The following OSBPL1A variants were observed in gnomAD, a reference collection of about 807,000 sequenced individuals.
The protein encoded by OSBPL1A is oxysterol-binding protein-related protein 1.
Under a neutral mutation model 137.1 loss-of-function variants are expected in OSBPL1A, and 80 were observed. The ratio of observed to expected loss-of-function variants is 0.58; its 90% CI spans 0.49 to 0.70. The LOEUF is 0.70. Ranked by LOEUF, OSBPL1A falls within the 30% of genes least tolerant of loss-of-function variation. The pLI is 0.00. For synonymous variants in OSBPL1A, 365 were observed against 389.7 expected, an observed-to-expected ratio of 0.94 and a Z score of 0.75; for missense variants, 970 against 1,129.4, an observed-to-expected ratio of 0.86 and a Z score of 2.02.
At chr18:24,352,265 G>A (rs147047424) in intron 4 of OSBPL1A, among the ~76,000 whole-genome samples, 2,626 of 152,204 alleles carry the variant, frequency 0.017, 71 homozygotes, top group African/African-American at 0.06. Flanking sequence ...TTGTGCCACC[G>A]CACTCCAGCC....
At chr18:24,215,991 A>C (rs2087685697) in intron 17 of OSBPL1A, among the ~76,000 whole-genome samples, 1 of 152,196 alleles carries the variant, frequency 6.6e-6, no homozygotes, top group Non-Finnish European at 1.5e-5. Flanking sequence ...AGTGTTTGTA[A>C]AGTAAACTTG....
At chr18:24,187,632 T>C (rs903640382) in intron 18 of OSBPL1A, among the ~76,000 whole-genome samples, 4 of 152,204 alleles carry the variant, frequency 2.6e-5, no homozygotes, top group African/African-American at 9.6e-5. Flanking sequence ...AAGTGAGCAA[T>C]AGATGCTAGC....
Position 24,341,629 on chromosome 18 carries a change from A to G in OSBPL1A, c.312T>C (p.Asn104=), listed in dbSNP as rs1599689593. 1 of 1,610,772 alleles carries G rather than the reference A, an allele frequency of 6.2e-7. No homozygotes were observed. Among genetic ancestry groups the G allele is most frequent in the African/African-American group, 1.3e-5 (1 of 74,934 alleles). The change falls in exon 5 of 28, where the codon AAT becomes AAC. Residue 104 remains asparagine, a synonymous_variant. Coordinates refer to ENST00000319481, the MANE Select transcript of OSBPL1A (RefSeq NM_080597.4). ...KELVMLLLEY[N]ADTTIVNGSG... is the part of the protein sequence containing the mutation. ...TCCCATTAACAATAGTAGTATCAGC[A>G]TTATATTCTAAGAGAAGCATTACCA...
At position 24,365,878 on chromosome 18, in the gene OSBPL1A, G is replaced by A. The variant is rs374826792; in HGVS notation, c.282+1014C>T. Among the ~76,000 whole-genome samples, 266 of 152,234 alleles carry A rather than the reference G, an allele frequency of 1.7e-3. 2 individuals are homozygous for A. Among genetic ancestry groups the A allele is most frequent in the South Asian group, 0.016 (75 of 4,820 alleles). On this transcript the variant is annotated intron_variant, in intron 4 of 27. Coordinates refer to ENST00000319481, the MANE Select transcript of OSBPL1A (RefSeq NM_080597.4). ...GACTTCTGTGACCAAATATGGGTGG[G>A]GGCAGTTCTCCCCACCACCAAGCAA...
intron 1 of OSBPL1A, among the ~76,000 whole-genome samples, chr18:24,392,091 A>G (rs1056548962): frequency 1.3e-5 from 2 of 151,948 alleles, no homozygotes; most frequent in Non-Finnish European, 2.9e-5. Context: ...CCTAGGTTCA[A>G]GCGATCTGTC....
At position 24,234,511 on chromosome 18, in the gene OSBPL1A, T is replaced by C. The variant is rs61125050; in HGVS notation, c.1444+4709A>G. On this transcript the variant is annotated intron_variant, in intron 16 of 27. Transcript: ENST00000319481. ...ACTGAGCTTACTGGAAAAATAATTT[T>C]CTCAAGCGATCCCAGGGGGGACGCC... Among the ~76,000 whole-genome samples, 1,310 of 150,912 alleles carry C rather than the reference T, an allele frequency of 8.7e-3. 11 individuals carry two copies. The highest frequency in any genetic ancestry group is 0.038 in the Middle Eastern group (11 of 286).
At chr18:24,367,602 C>T (rs1487011247) in intron 3 of OSBPL1A, 1 of 149,240 alleles carries the variant, frequency 6.7e-6, no homozygotes, top group Non-Finnish European at 1.5e-5. Flanking sequence ...GAGATTACGC[C>T]ACTGCACTCC....
In OSBPL1A at chr18:24,366,930, C is replaced by G; in HGVS notation, c.244G>C (p.Asp82His). The change falls in exon 4 of 28, where the codon GAC becomes CAC. Residue 82 changes from aspartate to histidine, a missense_variant. Physicochemically the swap from Asp to His is moderately conservative, Grantham distance 81. Transcript: ENST00000319481. ...AEVNVLNDMG[D>H]TPLHRAAFTG... ...AAGGCAGCTCGATGAAGCGGCGTGT[C>G]TCCCATGTCATTCAACACATTCACT... 2 of 1,612,362 alleles carry G rather than the reference C, an allele frequency of 1.2e-6. No individual in the cohort carries two copies. The highest frequency in any genetic ancestry group is 1.7e-6 in the Non-Finnish European group (2 of 1,179,236).
intron 18 of OSBPL1A, among the ~76,000 whole-genome samples, chr18:24,185,875 C>T (rs1010922781): frequency 3.9e-5 from 6 of 152,160 alleles, no homozygotes; most frequent in East Asian, 1.9e-4. Context: ...ATTCGAGACC[C>T]GCCTGGGCAG....
At chr18:24,346,610 A>T (rs1358525886) in intron 4 of OSBPL1A, among the ~76,000 whole-genome samples, 1 of 152,170 alleles carries the variant, frequency 6.6e-6, no homozygotes, top group Non-Finnish European at 1.5e-5. Context: ...CATGTTCTCA[A>T]GGTTCATTTA....
At chr18:24,289,548 T>C (rs1383338955) in intron 14 of OSBPL1A, among the ~76,000 whole-genome samples, 1 of 150,788 alleles carries the variant, frequency 6.6e-6, no homozygotes, top group Non-Finnish European at 1.5e-5. Context: ...CAGGATCGAG[T>C]AGCTGGGATT....
At chr18:24,377,563 AT>A (rs753469482) in intron 1 of OSBPL1A, 28 bp from the exon 2 acceptor site, 48 of 1,561,502 alleles carry the variant, frequency 3.1e-5, no homozygotes, top group Non-Finnish European at 4.1e-5. Flanking sequence ...TAACATTGCT[AT>A]TATTTAAGAA....
chr18:24,163,960 G>C (rs571660013), intron 27 of OSBPL1A, among the ~76,000 whole-genome samples: 23 of 152,178 alleles, frequency 1.5e-4, no homozygotes, highest in Non-Finnish European at 2.5e-4. Context: ...TCGAACTCCT[G>C]ACCTCATGAT....
At chr18:24,247,495 T>A (rs2088934819) in intron 15 of OSBPL1A, among the ~76,000 whole-genome samples, 2 of 152,162 alleles carry the variant, frequency 1.3e-5, no homozygotes, top group Non-Finnish European at 2.9e-5. Context: ...AGACAGGATC[T>A]TACTCTGTCA....
intron 17 of OSBPL1A, among the ~76,000 whole-genome samples, chr18:24,199,591 A>C (rs2087153143): frequency 6.6e-6 from 1 of 152,214 alleles, no homozygotes; most frequent in South Asian, 2.1e-4. Context: ...CTGGGAGTTT[A>C]AGTATTTGTG....
intron 5 of OSBPL1A, among the ~76,000 whole-genome samples, chr18:24,337,492 G>T (rs1390858479): frequency 3.4e-5 from 5 of 149,142 alleles, no homozygotes; most frequent in African/African-American, 1.2e-4. Context: ...AGTCGCTTGA[G>T]CCCATGAATG....
At chr18:24,320,524 G>A (rs1183225372) in intron 7 of OSBPL1A, among the ~76,000 whole-genome samples, 1 of 152,102 alleles carries the variant, frequency 6.6e-6, no homozygotes, top group African/African-American at 2.4e-5. Flanking sequence ...TGATGCAAAG[G>A]CTCTGAGGTA....
intron 4 of OSBPL1A, among the ~76,000 whole-genome samples, chr18:24,361,143 T>C (rs139826007): frequency 2.8e-3 from 422 of 152,148 alleles, no homozygotes; most frequent in Middle Eastern, 0.01. Flanking sequence ...GATCCTCCCA[T>C]TTCAGCCTCC....
At chr18:24,269,590 T>C (rs1200851227) in intron 15 of OSBPL1A, among the ~76,000 whole-genome samples, 1 of 152,138 alleles carries the variant, frequency 6.6e-6, no homozygotes, top group Non-Finnish European at 1.5e-5. Context: ...GTAACAGACA[T>C]CAAATCCTCA....
Sources: gnomAD v4.1 joint callset for allele counts (sites outside exome capture counted in the v4.1 genomes callset) on GRCh38, gnomAD v4.1.1 for gene constraint, MANE v1.5 for transcripts, NCBI Gene and HGNC (gene_info 2026-07-23, HGNC 2026-07-21) for gene names.